Variants in KIAA1549 observed in about 807,000 individuals in gnomAD.
KIAA1549 encodes the protein UPF0606 protein KIAA1549.
Under a neutral mutation model 156.4 loss-of-function variants are expected in KIAA1549, and 70 were observed. The ratio of observed to expected loss-of-function variants is 0.45; its 90% CI spans 0.37 to 0.55. The LOEUF is 0.55. Ranked by LOEUF, KIAA1549 falls within the 20% of genes least tolerant of loss-of-function variation. KIAA1549 has a pLI of 0.00. For missense variants in KIAA1549, 2,428 were observed against 2,540.9 expected (o/e 0.96, Z 0.96); for synonymous variants, 1,103 against 1,066.4 (o/e 1.03, Z -0.67).
Position 138,869,778 on chromosome 7 carries a change from G to T in KIAA1549, c.4552-17C>A, listed in dbSNP as rs1227174893. On this transcript the variant is annotated splice_polypyrimidine_tract_variant and intron_variant, in intron 13 of 19. Coordinates refer to ENST00000422774, the MANE Select transcript of KIAA1549 (RefSeq NM_001164665.2). Reference sequence around the variant, plus strand: ...GGTCTGAATCTGAGGAAGGGTGAGGGAGAGAAAGACAGCCATAGAGGTCCC... The same window carrying T: ...GGTCTGAATCTGAGGAAGGGTGAGGTAGAGAAAGACAGCCATAGAGGTCCC... The T allele has an allele frequency of 1.3e-6, 2 of 1,596,122 alleles. No homozygotes were observed. Among genetic ancestry groups the T allele is most frequent in the Non-Finnish European group, 1.7e-6 (2 of 1,171,204 alleles).
rs552671651 is a variant in KIAA1549 at position 138,835,106 on chromosome 7, G to A, written c.*2800C>T. Reference sequence around the variant, plus strand: ...TTCATTGTAGAGTGCTTCCATAAACGGACTCCAAAGCCACACGCTGTCAAC... The same window carrying A: ...TTCATTGTAGAGTGCTTCCATAAACAGACTCCAAAGCCACACGCTGTCAAC... On this transcript the variant is annotated 3_prime_UTR_variant, in exon 20 of 20. Coordinates refer to ENST00000422774, the MANE Select transcript of KIAA1549 (RefSeq NM_001164665.2). 9 of 223,324 alleles carry A rather than the reference G, an allele frequency of 4.0e-5. No individual in the cohort carries two copies. Among genetic ancestry groups the A allele is most frequent in the African/African-American group, 1.8e-4 (8 of 44,856 alleles). The allele number at this position is 223,324 out of a possible 1,614,324, so 13.8% of individuals were successfully genotyped here.
chr7:138,907,097 C>A lies in KIAA1549; in HGVS notation c.3282G>T (p.Leu1094Phe). The A allele has an allele frequency of 6.3e-7, 1 of 1,581,040 alleles. No homozygotes were observed. Among genetic ancestry groups the A allele is most frequent in the Non-Finnish European group, 8.6e-7 (1 of 1,167,898 alleles). Residue 1094 changes from leucine (L) to phenylalanine (F), a missense_variant, in exon 6 of 20, where the codon TTG becomes TTT. Coordinates refer to ENST00000422774, the MANE Select transcript of KIAA1549 (RefSeq NM_001164665.2). ...QGTYNLTVQI[L>F]NITISSSRVT... The stretch of plus-strand genomic sequence containing the variant: ...CCCTTGAGGAACTGATGGTGATATT[C>A]AAGATCTGAAAGAATAAAGTCAGAA...
chr7:138,907,052 C>G lies in KIAA1549; in HGVS notation c.3327G>C (p.Pro1109=), dbSNP rs376796935. ...TTTTAACCGCAAAGATGATATTCAC[C>G]GGGCCCCGCCGAGGAGTCACCCTTG... ...SSSRVTPRRG[P]VNIIFAVKST... is the part of the protein sequence containing the mutation. Residue 1109 remains proline (P), a synonymous_variant, in exon 6 of 20, where the codon CCG becomes CCC. Coordinates refer to ENST00000422774, the MANE Select transcript of KIAA1549 (RefSeq NM_001164665.2). 1.2e-6 allele frequency: 2 copies of G among 1,612,392 alleles called. No homozygotes were observed. Among genetic ancestry groups the G allele is most frequent in the South Asian group, 1.1e-5 (1 of 90,772 alleles).
intron 7 of KIAA1549, 41 bp downstream of exon 7, chr7:138,904,981 T>C: frequency 7.7e-7 from 1 of 1,299,734 alleles, no homozygotes; most frequent in Non-Finnish European, 1.1e-6. Context: ...ATAGACTTCT[T>C]CTCCTTACAG....
chr7:138,890,550 G>C (rs949980699), intron 10 of KIAA1549, among the ~76,000 whole-genome samples: 4 of 152,226 alleles, frequency 2.6e-5, no homozygotes, highest in African/African-American at 9.6e-5. Context: ...TGTGGTCCCG[G>C]AGTTTGGGAG....
In KIAA1549 at chr7:138,906,995, C is replaced by T. The variant is rs1417030872; in HGVS notation, c.3384G>A (p.Val1128=). The T allele has an allele frequency of 2.5e-6, 4 of 1,613,364 alleles. No homozygotes were observed. Residue 1128 remains valine, a synonymous_variant, in exon 6 of 20, where the codon GTG becomes GTA. Coordinates refer to ENST00000422774, the MANE Select transcript of KIAA1549 (RefSeq NM_001164665.2). Reference sequence around the variant, plus strand: ...CACTCAAGTTTCTGAGCAGCTCGCTCACTTCCGACCCATTCAAAAATCCCT... The same window carrying T: ...CACTCAAGTTTCTGAGCAGCTCGCTTACTTCCGACCCATTCAAAAATCCCT... The part of the protein sequence containing the change: ...STQGFLNGSE[V]SELLRNLSVV...
chr7:138,838,162 T>C lies in KIAA1549; in HGVS notation c.5599-2A>G. 10 of 1,460,824 alleles carry C rather than the reference T, an allele frequency of 6.8e-6. No homozygotes were observed. Among genetic ancestry groups the C allele is most frequent in the Non-Finnish European group, 9.0e-6 (10 of 1,112,518 alleles). 90.5% of individuals were successfully genotyped at this position (1,460,824 alleles called of 1,614,324 possible). On this transcript the variant is annotated splice_acceptor_variant, in intron 19 of 19. Coordinates refer to ENST00000422774, the MANE Select transcript of KIAA1549 (RefSeq NM_001164665.2). LOFTEE classifies it high-confidence loss of function. ...CTCTTGATGTCCGAGCATGTGTGTCTGAAAAACATGGCAAACGTCACTGTA... is the reference window on the plus strand; with the variant it reads ...CTCTTGATGTCCGAGCATGTGTGTCCGAAAAACATGGCAAACGTCACTGTA...
Position 138,918,858 on chromosome 7 carries a change from A to C in KIAA1549, c.768T>G (p.Asp256Glu), listed in dbSNP as rs1448460426. The part of the protein sequence containing the change: ...PGRNLVLYPT[D>E]AYSHLSSRTL... ...TCCTGCTTGATAAATGACTGTAAGC[A>C]TCAGTAGGATAAAGCACCAAATTCC... The change falls in exon 2 of 20, where the codon GAT becomes GAG. Residue 256 changes from aspartate (D) to glutamate (E), a missense_variant. This residue lies in a region of KIAA1549 where 893 missense variants were observed against 847.9 expected (regional missense o/e 1.05). Coordinates refer to ENST00000422774, the MANE Select transcript of KIAA1549 (RefSeq NM_001164665.2). This position sits in a 1 kb window ranked among gnomAD's most constrained non-coding sequence, Gnocchi z 4.2. 2 of 1,614,064 alleles carry C rather than the reference A, an allele frequency of 1.2e-6. No individual in the cohort carries two copies. The highest frequency in any genetic ancestry group is 4.5e-5 in the East Asian group (2 of 44,874).
Position 138,894,513 on chromosome 7 carries a change from C to T in KIAA1549, c.3861G>A (p.Val1287=). ...TCTGGGATTCCGGAGACGGCCTCTT[C>T]ACCCTGTCGACAGCTGCAGACAAGG... is the stretch of plus-strand genomic sequence containing the variant. The part of the protein sequence containing the change: ...QGVIAQPVDR[V]KRPSPESQSN... Residue 1287 remains valine (V), a synonymous_variant, in exon 10 of 20, where the codon GTG becomes GTA. Transcript: ENST00000422774. 1 of 1,614,010 alleles carries T rather than the reference C, an allele frequency of 6.2e-7. No homozygotes were observed.
At chr7:138,869,856 A>G (rs1810876537) in intron 13 of KIAA1549, 95 bp from the exon 14 acceptor site, 2 of 879,538 alleles carry the variant, frequency 2.3e-6, no homozygotes, top group Admixed American at 2.7e-5. Flanking sequence ...TTTTATGTTT[A>G]TTTATTTATT....
chr7:138,858,998 T>C (rs1319664452), intron 16 of KIAA1549, among the ~76,000 whole-genome samples: 1 of 139,484 alleles, frequency 7.2e-6, no homozygotes, highest in Non-Finnish European at 1.5e-5. Context: ...AGAGCGAGAC[T>C]CCATCTCAAA....
intron 5 of KIAA1549, 135 bp downstream of exon 5, chr7:138,908,856 T>C: frequency 1.9e-6 from 2 of 1,031,888 alleles, no homozygotes; most frequent in Non-Finnish European, 2.8e-6. Context: ...GCCACAGGAA[T>C]AGATCAATCC....
chr7:138,847,787 C>T (rs1810121539), intron 17 of KIAA1549, among the ~76,000 whole-genome samples: 1 of 152,322 alleles, frequency 6.6e-6, no homozygotes, highest in Admixed American at 6.5e-5. Flanking sequence ...AAAGGAATTA[C>T]TGGGATTCTG....
At chr7:138,850,176 G>T (rs1420321327) in intron 17 of KIAA1549, among the ~76,000 whole-genome samples, 2 of 152,042 alleles carry the variant, frequency 1.3e-5, no homozygotes, top group Non-Finnish European at 2.9e-5. Context: ...ATTTTATGAA[G>T]CATCTTTTCT....
In KIAA1549 at chr7:138,837,854, G is replaced by T; in HGVS notation, c.*52C>A. On this transcript the variant is annotated 3_prime_UTR_variant, in exon 20 of 20. Coordinates refer to ENST00000422774, the MANE Select transcript of KIAA1549 (RefSeq NM_001164665.2). ...CACCCACTCAGTTGATTTCCTTTTGGTCTTGCTTCCACAGGAAGCGGATAC... is the reference window on the plus strand; with the variant it reads ...CACCCACTCAGTTGATTTCCTTTTGTTCTTGCTTCCACAGGAAGCGGATAC... 1 of 1,579,644 alleles carries T rather than the reference G, an allele frequency of 6.3e-7. No homozygotes were observed. Among genetic ancestry groups the T allele is most frequent in the Non-Finnish European group, 8.6e-7 (1 of 1,162,332 alleles).
At position 138,832,582 on chromosome 7, in the gene KIAA1549, T is replaced by C. The variant is rs1460904708; in HGVS notation, c.*5324A>G. On this transcript the variant is annotated 3_prime_UTR_variant, in exon 20 of 20. Coordinates refer to ENST00000422774, the MANE Select transcript of KIAA1549 (RefSeq NM_001164665.2). Reference sequence around the variant, plus strand: ...AAAGGAAGGATCCTGGATAATTATCTACCCTGTGGGAAGCCATTTTAACTA... The same window carrying C: ...AAAGGAAGGATCCTGGATAATTATCCACCCTGTGGGAAGCCATTTTAACTA... 5.0e-6 allele frequency: 1 copy of C among 200,990 alleles called. No individual in the cohort carries two copies. Among genetic ancestry groups the C allele is most frequent in the Admixed American group, 6.0e-5 (1 of 16,590 alleles). 12.5% of individuals were successfully genotyped at this position (200,990 alleles called of 1,614,324 possible).
intron 1 of KIAA1549, among the ~76,000 whole-genome samples, chr7:138,939,845 G>C (rs1328634182): frequency 1.3e-5 from 2 of 152,046 alleles, no homozygotes; most frequent in African/African-American, 4.8e-5. Context: ...TTTTAAGCCT[G>C]CATTAATTAA....
intron 9 of KIAA1549, among the ~76,000 whole-genome samples, chr7:138,895,275 C>A (rs924983541): frequency 2.6e-5 from 4 of 152,218 alleles, no homozygotes; most frequent in African/African-American, 9.6e-5. Context: ...GACATGTGCA[C>A]CAGTGCAACT....
At chr7:138,882,751 G>A (rs1811278886) in intron 10 of KIAA1549, among the ~76,000 whole-genome samples, 1 of 152,122 alleles carries the variant, frequency 6.6e-6, no homozygotes, top group South Asian at 2.1e-4. Flanking sequence ...TTTCTAGAAA[G>A]AAGTAGTCAA....
Sources: gnomAD v4.1 joint callset for allele counts (sites outside exome capture counted in the v4.1 genomes callset) on GRCh38, gnomAD v4.1.1 for gene constraint, gnomAD v4.1.1 regional missense constraint, Gnocchi (gnomAD v3.1) non-coding constraint, MANE v1.5 for transcripts, NCBI Gene and HGNC (gene_info 2026-07-23, HGNC 2026-07-21) for gene names.